NAALADL2: variants seen among roughly 807,000 people sequenced by gnomAD.
The protein encoded by NAALADL2 is N-acetylated alpha-linked acidic dipeptidase like 2, also known as inactive N-acetylated-alpha-linked acidic dipeptidase-like protein 2.
A neutral mutation model predicts 87.2 loss-of-function variants in NAALADL2; 76 were observed. The observed-to-expected ratio is 0.87, with a 90% CI of 0.72 to 1.05. The LOEUF (loss-of-function observed/expected upper bound fraction) is 1.05. Ranked by LOEUF, NAALADL2 falls within the 50% of genes least tolerant of loss-of-function variation. The pLI is 0.00. For synonymous variants in NAALADL2, 354 were observed against 331.0 expected (o/e 1.07, Z -0.75); for missense variants, 1,089 against 945.8 (o/e 1.15, Z -1.99).
intron 11 of NAALADL2, among the ~76,000 whole-genome samples, chr3:175,729,402 A>G (rs963725841): frequency 6.6e-6 from 1 of 152,178 alleles, no homozygotes; most frequent in African/African-American, 2.4e-5. Context: ...CTGTACTTCT[A>G]TATTTGAGTC....
chr3:174,816,881 C>T (rs1172554959), intron 3 of NAALADL2, among the ~76,000 whole-genome samples: 2 of 152,094 alleles, frequency 1.3e-5, no homozygotes, highest in Admixed American at 6.6e-5. Context: ...CATTAGTGTG[C>T]CTGAGCCACA....
intron 2 of NAALADL2, among the ~76,000 whole-genome samples, chr3:174,628,162 G>C (rs186721717): frequency 1.4e-4 from 22 of 152,252 alleles, no homozygotes; most frequent in African/African-American, 4.8e-4. Flanking sequence ...ACAAGTCATA[G>C]AGTGGAAAAT....
At chr3:175,088,494 A>C (rs549537009) in intron 1 of NAALADL2, among the ~76,000 whole-genome samples, 1 of 152,354 alleles carries the variant, frequency 6.6e-6, no homozygotes, top group Non-Finnish European at 1.5e-5. Context: ...GTACTGAATT[A>C]CCACTGTGGG....
At position 175,368,556 on chromosome 3, in the gene NAALADL2, G is replaced by C. The variant is rs918380538; in HGVS notation, c.1090+44231G>C. On this transcript the variant is annotated intron_variant, in intron 5 of 13. Transcript: ENST00000454872. Reference sequence around the variant, plus strand: ...TCTTTTTTTATACTTTGAAAGGACTGTAGCAGGTGTGTGTGAGTGTGTGTG... The same window carrying C: ...TCTTTTTTTATACTTTGAAAGGACTCTAGCAGGTGTGTGTGAGTGTGTGTG... Among the ~76,000 whole-genome samples, 3 of 142,364 alleles carry C rather than the reference G, an allele frequency of 2.1e-5. 1 individual carries two copies. 93.4% of individuals were successfully genotyped at this position (142,364 alleles called of 152,430 possible).
At chr3:175,519,612 G>T (rs1414263327) in intron 9 of NAALADL2, among the ~76,000 whole-genome samples, 9 of 152,092 alleles carry the variant, frequency 5.9e-5, no homozygotes, top group Admixed American at 5.9e-4. Flanking sequence ...CCATTAAGAG[G>T]TAAATGATCT....
intron 1 of NAALADL2, among the ~76,000 whole-genome samples, chr3:174,878,695 G>A (rs1470201522): frequency 2.0e-5 from 3 of 151,872 alleles, no homozygotes; most frequent in African/African-American, 7.2e-5. Flanking sequence ...CCTGTACACT[G>A]CAGCAAGGAT....
At chr3:175,769,854 G>T (rs148373177) in intron 13 of NAALADL2, among the ~76,000 whole-genome samples, 307 of 152,250 alleles carry the variant, frequency 2.0e-3, no homozygotes, top group African/African-American at 7.1e-3. Context: ...GCTCAGGGAA[G>T]AGTTGATGTT....
chr3:175,219,012 T>C (rs1377932549), intron 2 of NAALADL2, among the ~76,000 whole-genome samples: 1 of 152,042 alleles, frequency 6.6e-6, no homozygotes, highest in Non-Finnish European at 1.5e-5. Flanking sequence ...TATAAATATG[T>C]GGCCAAATAT....
intron 1 of NAALADL2, among the ~76,000 whole-genome samples, chr3:174,500,829 G>T (rs886355905): frequency 6.6e-6 from 1 of 150,792 alleles, no homozygotes; most frequent in Non-Finnish European, 1.5e-5. Context: ...AATCCACCTT[G>T]GTCATTATAT....
At chr3:175,717,299 A>G (rs912021929) in intron 11 of NAALADL2, among the ~76,000 whole-genome samples, 21 of 152,190 alleles carry the variant, frequency 1.4e-4, no homozygotes, top group Admixed American at 7.2e-4. Context: ...CCTGGGCACA[A>G]GATTTTGAAT....
chr3:174,565,285 A>G (rs866818858), intron 2 of NAALADL2, among the ~76,000 whole-genome samples: 2 of 152,076 alleles, frequency 1.3e-5, no homozygotes, highest in African/African-American at 4.8e-5. Flanking sequence ...ACCACACAGT[A>G]TAGTTTTGAT....
At chr3:174,712,958 C>T (rs566226630) in intron 2 of NAALADL2, among the ~76,000 whole-genome samples, 4 of 152,170 alleles carry the variant, frequency 2.6e-5, no homozygotes, top group East Asian at 3.9e-4. Flanking sequence ...CCCCCCTCCC[C>T]CAACCCCACA....
intron 2 of NAALADL2, among the ~76,000 whole-genome samples, chr3:175,136,181 C>G (rs550351821): frequency 4.2e-4 from 64 of 152,200 alleles, no homozygotes; most frequent in Middle Eastern, 6.8e-3. Flanking sequence ...ATGAAGGAGA[C>G]ATCATTGCAG....
chr3:174,654,981 C>G (rs959437842), intron 2 of NAALADL2, among the ~76,000 whole-genome samples: 1 of 152,132 alleles, frequency 6.6e-6, no homozygotes, highest in African/African-American at 2.4e-5. Flanking sequence ...TTGATCTGCC[C>G]TCCTTGGCTT....
chr3:174,485,009 C>T (rs1324796958), intron 1 of NAALADL2, among the ~76,000 whole-genome samples: 1 of 151,854 alleles, frequency 6.6e-6, no homozygotes, highest in Non-Finnish European at 1.5e-5. Flanking sequence ...AATTGGGGTC[C>T]CAAAAATATA....
intron 2 of NAALADL2, among the ~76,000 whole-genome samples, chr3:175,105,720 C>T (rs1723025005): frequency 6.7e-6 from 1 of 149,390 alleles, no homozygotes; most frequent in Non-Finnish European, 1.5e-5. Context: ...TCTATGTACT[C>T]ATAGCATGTA....
Position 175,207,346 on chromosome 3 carries a change from A to T in NAALADL2, c.546-26585A>T, listed in dbSNP as rs1174313209. ...GAATTTTTACCTTAAGATAATTAAA[A>T]AAAAAGAGATTAAAACCATGATGGA... On this transcript the variant is annotated intron_variant, in intron 2 of 13. Coordinates refer to ENST00000454872, the MANE Select transcript of NAALADL2 (RefSeq NM_207015.3). Among the ~76,000 whole-genome samples, 3 of 152,244 alleles carry T rather than the reference A, an allele frequency of 2.0e-5. No homozygotes were observed. The East Asian group carries it at 5.8e-4, about 29-fold the overall frequency.
At chr3:174,815,013 G>T (rs945890441) in intron 3 of NAALADL2, among the ~76,000 whole-genome samples, 1 of 152,172 alleles carries the variant, frequency 6.6e-6, no homozygotes, top group Non-Finnish European at 1.5e-5. Flanking sequence ...ATAACATGTT[G>T]AATGTTTTAT....
At chr3:174,454,029 C>T (rs1429721677) in intron 1 of NAALADL2, among the ~76,000 whole-genome samples, 2 of 152,064 alleles carry the variant, frequency 1.3e-5, no homozygotes, top group Non-Finnish European at 2.9e-5. Context: ...CAATGACACC[C>T]ACAGGCTTAA....
Sources: allele counts gnomAD v4.1 joint callset (sites outside exome capture counted in the v4.1 genomes callset), GRCh38; gene constraint gnomAD v4.1.1; transcripts MANE v1.5; gene names NCBI Gene and HGNC (gene_info 2026-07-23, HGNC 2026-07-21).